Variants in SLAIN2 observed in about 807,000 individuals in gnomAD.
The protein encoded by SLAIN2 is SLAIN family member 2.
SLAIN2 carries 31 observed loss-of-function variants against 56.6 expected under a neutral mutation model. That is an observed-to-expected ratio of 0.55 (90% CI 0.41 to 0.74). The LOEUF (loss-of-function observed/expected upper bound fraction) is 0.74. Among genes scored for constraint, SLAIN2 ranks in the 30% least tolerant of loss-of-function variants. The probability of loss-of-function intolerance (pLI) is 0.00; values close to 1 mark genes in which losing one functional copy is unlikely to be tolerated. For synonymous variants in SLAIN2, 317 were observed against 284.9 expected (o/e 1.11, Z -1.13); for missense variants, 777 against 754.2 (o/e 1.03, Z -0.35).
At chr4:48,403,383 C>T (rs1426969133) in intron 6 of SLAIN2, among the ~76,000 whole-genome samples, 1 of 152,048 alleles carries the variant, frequency 6.6e-6, no homozygotes, top group Admixed American at 6.5e-5. Context: ...GAGTTCTGTT[C>T]GTATAACCCT....
At chr4:48,369,502 CTT>C (rs1715611318) in intron 1 of SLAIN2, among the ~76,000 whole-genome samples, 1 of 152,136 alleles carries the variant, frequency 6.6e-6, no homozygotes, top group Non-Finnish European at 1.5e-5. Context: ...TTAGCTCCTT[CTT>C]CTGCTTCCTA....
chr4:48,386,153 T>C (rs1577725726), intron 6 of SLAIN2, among the ~76,000 whole-genome samples: 1 of 151,582 alleles, frequency 6.6e-6, no homozygotes, highest in Non-Finnish European at 1.5e-5. Context: ...TTCTGTGATA[T>C]ATTGACAAAT....
At chr4:48,400,692 T>A (rs1299115436) in intron 6 of SLAIN2, among the ~76,000 whole-genome samples, 4 of 152,164 alleles carry the variant, frequency 2.6e-5, no homozygotes, top group Non-Finnish European at 5.9e-5. Flanking sequence ...TGAGCCACTG[T>A]GCCTGGTCCC....
intron 1 of SLAIN2, among the ~76,000 whole-genome samples, chr4:48,344,694 T>C (rs74359008): frequency 3.4e-5 from 5 of 146,262 alleles, no homozygotes; most frequent in African/African-American, 1.2e-4. Context: ...CATACTCTTC[T>C]TTTTTTTTTT....
At chr4:48,412,799 G>A (rs982820118) in intron 6 of SLAIN2, among the ~76,000 whole-genome samples, 1 of 152,102 alleles carries the variant, frequency 6.6e-6, no homozygotes, top group African/African-American at 2.4e-5. Context: ...AAAGGTTTCT[G>A]TGTCTTTCTC....
intron 6 of SLAIN2, among the ~76,000 whole-genome samples, chr4:48,393,386 T>TGTG (rs1716283267): frequency 8.9e-5 from 12 of 135,348 alleles, no homozygotes; most frequent in East Asian, 4.5e-4. Context: ...CATGTCTGGC[T>TGTG]TGTGTGTGTG....
intron 6 of SLAIN2, among the ~76,000 whole-genome samples, chr4:48,395,294 G>A (rs1341574231): frequency 1.3e-5 from 2 of 152,074 alleles, no homozygotes; most frequent in African/African-American, 4.8e-5. Flanking sequence ...GGCCTCAAAG[G>A]AAATGGTATG....
intron 6 of SLAIN2, among the ~76,000 whole-genome samples, chr4:48,404,872 C>G (rs755957423): frequency 3.3e-5 from 5 of 152,102 alleles, no homozygotes; most frequent in Non-Finnish European, 7.4e-5. Flanking sequence ...ATAAATGAGT[C>G]AAAATGCTGC....
At chr4:48,342,711 C>CTT (rs761272695) in intron 1 of SLAIN2, among the ~76,000 whole-genome samples, 1,633 of 65,842 alleles carry the variant, frequency 0.025, 217 homozygotes, top group African/African-American at 0.059. Flanking sequence ...GATGGTGCTG[C>CTT]TTTTTTTTTT....
intron 1 of SLAIN2, among the ~76,000 whole-genome samples, chr4:48,356,739 G>A (rs1715165973): frequency 6.6e-6 from 1 of 151,908 alleles, no homozygotes; most frequent in African/African-American, 2.4e-5. Flanking sequence ...CTCAAGTTTA[G>A]TGACACTTCA....
chr4:48,350,830 A>G (rs571555843), intron 1 of SLAIN2, among the ~76,000 whole-genome samples: 5 of 152,324 alleles, frequency 3.3e-5, no homozygotes, highest in Non-Finnish European at 5.9e-5. Flanking sequence ...AATAAAATAG[A>G]AATTAGAGAC....
In SLAIN2 at chr4:48,365,033, A is replaced by G. The variant is rs549201900; in HGVS notation, c.390-4816A>G. ...AATCTGTTTTATCTATTTTATTAGC[A>G]TTAGGTTGTTCATAATATTCGCTTA... On this transcript the variant is annotated intron_variant, in intron 1 of 7. Transcript: ENST00000264313. 6.6e-5 allele frequency among the ~76,000 whole-genome samples: 10 copies of G among 152,186 alleles called. No homozygotes were observed. The South Asian group carries it at 1.0e-3, about 16-fold the overall frequency.
At chr4:48,347,636 T>C (rs933581455) in intron 1 of SLAIN2, among the ~76,000 whole-genome samples, 3 of 152,190 alleles carry the variant, frequency 2.0e-5, no homozygotes, top group African/African-American at 7.2e-5. Context: ...AAATTTACCA[T>C]GTTAATAATT....
chr4:48,407,802 A>G (rs933057235), intron 6 of SLAIN2, among the ~76,000 whole-genome samples: 5 of 152,100 alleles, frequency 3.3e-5, no homozygotes, highest in African/African-American at 1.2e-4. Context: ...ATTTTAGAAG[A>G]TATTTATCAC....
chr4:48,372,056 A>G (rs945087280), intron 2 of SLAIN2, among the ~76,000 whole-genome samples: 1 of 149,480 alleles, frequency 6.7e-6, no homozygotes, highest in Non-Finnish European at 1.5e-5. Context: ...ATATACATAT[A>G]TATATATACA....
At position 48,368,051 on chromosome 4, in the gene SLAIN2, C is replaced by CTTTTTTT. The variant is rs36096623; in HGVS notation, c.390-1791_390-1785dup. Among the ~76,000 whole-genome samples the CTTTTTTT allele has an allele frequency of 9.0e-5, 8 of 88,818 alleles. 1 individual carries two copies. Among genetic ancestry groups the CTTTTTTT allele is most frequent in the South Asian group, 7.9e-4 (2 of 2,538 alleles). The allele number at this position is 88,818 out of a possible 152,430, so 58.3% of individuals were successfully genotyped here. ...TTCACTGAACGTAGTGTTTTTGAGG[C>CTTTTTTT]TTTTTTTTTTTTTGACAGTGTTGCT... On this transcript the variant is annotated intron_variant, in intron 1 of 7. Coordinates refer to ENST00000264313, the MANE Select transcript of SLAIN2 (RefSeq NM_020846.2).
intron 6 of SLAIN2, among the ~76,000 whole-genome samples, chr4:48,403,186 G>C (rs1577733557): frequency 6.6e-6 from 1 of 152,212 alleles, no homozygotes; most frequent in East Asian, 1.9e-4. Context: ...CAGGCAGTCG[G>C]GAGGAATGGG....
At position 48,378,031 on chromosome 4, in the gene SLAIN2, T is replaced by C. The variant is rs1347705510; in HGVS notation, c.674T>C (p.Val225Ala). 1 of 1,613,506 alleles carries C rather than the reference T, an allele frequency of 6.2e-7. No homozygotes were observed. The change falls in exon 3 of 8, where the codon GTC (valine) becomes GCC (alanine). Residue 225 changes from valine to alanine, a missense_variant. By Grantham distance (64) the Val-to-Ala change is moderately conservative. Transcript: ENST00000264313. Reference sequence around the variant, plus strand: ...TCAACCCCAGTGCGACCTCCTATAGTCAAACAGCTTATACTTCCTGGAAAT... The same window carrying C: ...TCAACCCCAGTGCGACCTCCTATAGCCAAACAGCTTATACTTCCTGGAAAT... The part of the protein sequence containing the change: ...PSSTPVRPPI[V>A]KQLILPGNSG...
intron 2 of SLAIN2, among the ~76,000 whole-genome samples, chr4:48,377,108 A>G (rs1442897112): frequency 3.3e-5 from 5 of 151,636 alleles, no homozygotes; most frequent in Admixed American, 6.6e-5. Flanking sequence ...TAGGAGGCCA[A>G]GATAGGAGGA....
Sources: allele counts gnomAD v4.1 joint callset (sites outside exome capture counted in the v4.1 genomes callset), GRCh38; gene constraint gnomAD v4.1.1; transcripts MANE v1.5; gene names NCBI Gene and HGNC (gene_info 2026-07-23, HGNC 2026-07-21).